The following NAA25 variants were observed in gnomAD, a reference collection of about 807,000 sequenced individuals.
NAA25 encodes N-terminal acetyltransferase B complex subunit NAA25.
A neutral mutation model predicts 132.5 loss-of-function variants in NAA25; 30 were observed. The ratio of observed to expected loss-of-function variants is 0.23; its 90% CI spans 0.17 to 0.31. NAA25 has a LOEUF of 0.31. Ranked by LOEUF, NAA25 falls within the 10% of genes least tolerant of loss-of-function variation. The pLI is 1.00. For missense variants in NAA25, 771 were observed against 1,150.4 expected, an observed-to-expected ratio of 0.67 and a Z score of 4.77; for synonymous variants, 359 against 401.9, an observed-to-expected ratio of 0.89 and a Z score of 1.28.
intron 11 of NAA25, chr12:112,063,951 A>T (rs946331641): frequency 6.6e-6 from 1 of 152,194 alleles, no homozygotes; most frequent in Non-Finnish European, 1.5e-5. Flanking sequence ...TATGTTGTCC[A>T]GGCTGGACTC....
At chr12:112,093,215 T>TA in intron 1 of NAA25, 79 bp from the exon 2 acceptor site, 1 of 898,802 alleles carries the variant, frequency 1.1e-6, no homozygotes, top group Non-Finnish European at 1.8e-6. Flanking sequence ...TGGTATGAGA[T>TA]ATTTTGGAAA....
intron 4 of NAA25, among the ~76,000 whole-genome samples, chr12:112,086,073 T>TATACACACACACACACACACAC (rs759148501): frequency 1.9e-5 from 1 of 53,988 alleles, no homozygotes; most frequent in South Asian, 1.0e-3. Flanking sequence ...TATATATATA[T>TATACACACACACACACACACAC]ACACACACAC....
intron 9 of NAA25, among the ~76,000 whole-genome samples, chr12:112,073,115 T>TC (rs2078839405): frequency 6.6e-6 from 1 of 151,578 alleles, no homozygotes; most frequent in African/African-American, 2.4e-5. Flanking sequence ...ATGCCTGTAG[T>TC]CCCAAGCTGC....
chr12:112,049,423 T>C lies in NAA25; in HGVS notation c.1729-980A>G. The C allele has an allele frequency of 4.1e-6, 4 of 981,364 alleles. No homozygotes were observed. Among genetic ancestry groups the C allele is most frequent in the Non-Finnish European group, 3.6e-6 (3 of 825,880 alleles). The allele number at this position is 981,364 out of a possible 1,614,324, so 60.8% of individuals were successfully genotyped here. The stretch of plus-strand genomic sequence containing the variant: ...CCTCAGTTAATCAGCTCTGCCCCCA[T>C]CTCCATTACGTCTGAATAATTTGCC... On this transcript the variant is annotated intron_variant, in intron 15 of 23. Transcript: ENST00000261745. The surrounding 1 kb of genome is among the most constrained non-coding windows in gnomAD (Gnocchi z 4.7).
At chr12:112,033,865 T>C (rs564385980) in intron 22 of NAA25, 1 of 151,456 alleles carries the variant, frequency 6.6e-6, no homozygotes, top group South Asian at 2.1e-4. Context: ...TCAACACATA[T>C]AAATAGGAAA....
At chr12:112,063,096 G>T (rs549198551) in intron 11 of NAA25, among the ~76,000 whole-genome samples, 2 of 151,696 alleles carry the variant, frequency 1.3e-5, no homozygotes, top group South Asian at 2.1e-4. Flanking sequence ...ATGAAGAAAT[G>T]AGAGATGACA....
intron 4 of NAA25, among the ~76,000 whole-genome samples, chr12:112,086,829 T>G (rs183457626): frequency 1.3e-5 from 2 of 151,842 alleles, no homozygotes; most frequent in African/African-American, 4.8e-5. Context: ...CTGACCAACA[T>G]GGAGAAACCC....
chr12:112,100,613 T>C (rs1476708043), intron 1 of NAA25, among the ~76,000 whole-genome samples: 2 of 147,720 alleles, frequency 1.4e-5, no homozygotes, highest in Non-Finnish European at 3.0e-5. Context: ...GATTCCATTG[T>C]CTTTTTTTTT....
chr12:112,042,739 T>G (rs1037123635), intron 19 of NAA25, among the ~76,000 whole-genome samples: 1 of 152,220 alleles, frequency 6.6e-6, no homozygotes, highest in Non-Finnish European at 1.5e-5. Flanking sequence ...ACTCCTGACC[T>G]CAGGTGATCC....
intron 8 of NAA25, among the ~76,000 whole-genome samples, 171 bp from the exon 9 acceptor site, chr12:112,074,935 G>A (rs887226680): frequency 2.0e-5 from 3 of 152,122 alleles, no homozygotes; most frequent in East Asian, 1.9e-4. Context: ...CATTTTCAAA[G>A]TAATACTACT....
chr12:112,097,965 A>G (rs1438052237), intron 1 of NAA25, among the ~76,000 whole-genome samples: 1 of 151,778 alleles, frequency 6.6e-6, no homozygotes, highest in African/African-American at 2.4e-5. Context: ...CAAAAAAAGT[A>G]CAAAAATTAG....
At chr12:112,077,525 C>G (rs757887478) in intron 7 of NAA25, among the ~76,000 whole-genome samples, 4 of 151,198 alleles carry the variant, frequency 2.6e-5, no homozygotes, top group Non-Finnish European at 5.9e-5. Flanking sequence ...GGTGTGTGCC[C>G]GTCGTCCTAG....
chr12:112,072,963 G>A (rs990120104), intron 9 of NAA25, among the ~76,000 whole-genome samples: 1 of 151,812 alleles, frequency 6.6e-6, no homozygotes, highest in African/African-American at 2.4e-5. Context: ...GCCAGGCACG[G>A]TGGCTCACAC....
intron 11 of NAA25, chr12:112,065,882 T>C (rs1309859757): frequency 5.9e-5 from 9 of 152,222 alleles, no homozygotes; most frequent in African/African-American, 2.2e-4. Flanking sequence ...CGTAATCCTC[T>C]GACAAACATA....
At chr12:112,101,149 A>G (rs980078150) in intron 1 of NAA25, among the ~76,000 whole-genome samples, 3 of 152,058 alleles carry the variant, frequency 2.0e-5, no homozygotes, top group Non-Finnish European at 4.4e-5. Flanking sequence ...GTAAAACATC[A>G]TTTCCACAGG....
chr12:112,088,317 G>GTTTTTTTTT (rs1025838850), intron 3 of NAA25, among the ~76,000 whole-genome samples: 2 of 75,598 alleles, frequency 2.6e-5, no homozygotes, highest in Non-Finnish European at 4.8e-5. Flanking sequence ...GTATATTGTA[G>GTTTTTTTTT]TTTTTTTTTT....
At chr12:112,031,273 G>A (rs55955913) in intron 23 of NAA25, among the ~76,000 whole-genome samples, 2,225 of 152,218 alleles carry the variant, frequency 0.015, 62 homozygotes, top group African/African-American at 0.051. Flanking sequence ...TAGAAAGGGA[G>A]GAAAGAAAGC....
At chr12:112,042,610 G>A (rs1469788032) in intron 19 of NAA25, among the ~76,000 whole-genome samples, 1 of 151,848 alleles carries the variant, frequency 6.6e-6, no homozygotes, top group African/African-American at 2.4e-5. Context: ...TGGTTCAAGC[G>A]ATTCTCCTGC....
Position 112,049,134 on chromosome 12 carries a change from A to G in NAA25, c.1729-691T>C, listed in dbSNP as rs538946844. On this transcript the variant is annotated intron_variant, in intron 15 of 23. Coordinates refer to ENST00000261745, the MANE Select transcript of NAA25 (RefSeq NM_024953.4). This position sits in a 1 kb window ranked among gnomAD's most constrained non-coding sequence, Gnocchi z 4.7. ...CCTTAAACAAGTATGTGAAGGGAAC[A>G]TTCACCACATGTGCTTTAATTGTAG... Among the ~76,000 whole-genome samples, 13 of 152,364 alleles carry G rather than the reference A, an allele frequency of 8.5e-5. No homozygotes were observed. The highest frequency in any genetic ancestry group is 4.1e-4 in the South Asian group (2 of 4,832).
Sources: gnomAD v4.1 joint callset for allele counts (sites outside exome capture counted in the v4.1 genomes callset) on GRCh38, gnomAD v4.1.1 for gene constraint, Gnocchi (gnomAD v3.1) non-coding constraint, MANE v1.5 for transcripts, NCBI Gene and HGNC (gene_info 2026-07-23, HGNC 2026-07-21) for gene names.